Variants in DNAAF5 observed in about 807,000 individuals in gnomAD.
DNAAF5 encodes the protein HEAT repeat containing 2.
In DNAAF5, 64 loss-of-function variants were observed where a neutral mutation model predicts 75.8. The observed-to-expected ratio is 0.84, with a 90% CI of 0.69 to 1.04. The LOEUF (loss-of-function observed/expected upper bound fraction) is 1.04, where lower values mean the gene tolerates loss of function less well. DNAAF5 is among the 50% of genes least tolerant of loss of function. DNAAF5 has a pLI of 0.00. For synonymous variants in DNAAF5, 657 were observed against 557.2 expected, an observed-to-expected ratio of 1.18 and a Z score of -2.52; for missense variants, 1,269 against 1,178.5, an observed-to-expected ratio of 1.08 and a Z score of -1.12.
In DNAAF5 at chr7:735,288, G is replaced by A. The variant is rs568664015; in HGVS notation, c.780+5441G>A. Among the ~76,000 whole-genome samples, 6 of 151,142 alleles carry A rather than the reference G, an allele frequency of 4.0e-5. No homozygotes were observed. In the East Asian group the frequency reaches 5.9e-4, roughly 15 times the overall value. On this transcript the variant is annotated intron_variant, in intron 2 of 12. Transcript: ENST00000297440. ...TCATGGTGTAGCTGCTCACAGTGTC[G>A]CCGCTCACGATGTCATTGCTCACGG... is the stretch of plus-strand genomic sequence containing the variant.
At chr7:741,289 T>C in intron 3 of DNAAF5, 58 bp from the exon 4 acceptor site, 4 of 1,320,644 alleles carry the variant, frequency 3.0e-6, no homozygotes, top group Non-Finnish European at 4.3e-6. Context: ...GGCGCAGCCC[T>C]GCGGCCTCCC....
chr7:729,279 G>A (rs765115122), intron 1 of DNAAF5, among the ~76,000 whole-genome samples: 4 of 152,150 alleles, frequency 2.6e-5, no homozygotes, highest in South Asian at 2.1e-4. Context: ...GTGTGGCCTC[G>A]CCTCTGTCTT....
chr7:774,069 G>A lies in DNAAF5; in HGVS notation c.1953G>A (p.Glu651=). 2 of 1,614,072 alleles carry A rather than the reference G, an allele frequency of 1.2e-6. No homozygotes were observed. The highest frequency in any genetic ancestry group is 1.3e-5 in the African/African-American group (1 of 75,066). ...CCAGGCAGTTTCCCAGCTACCTCGAGACGGTGACAAAGGACATCCTGGCCC... is the reference window on the plus strand; with the variant it reads ...CCAGGCAGTTTCCCAGCTACCTCGAAACGGTGACAAAGGACATCCTGGCCC... The part of the protein sequence containing the change: ...NSQGQFPSYL[E]TVTKDILAPN... Residue 651 remains glutamate (E), a synonymous_variant, in exon 10 of 13, where the codon GAG becomes GAA. Transcript: ENST00000297440.
intron 2 of DNAAF5, among the ~76,000 whole-genome samples, 183 bp from the exon 3 acceptor site, chr7:740,636 C>G (rs1042924220): frequency 5.3e-5 from 8 of 152,214 alleles, no homozygotes; most frequent in African/African-American, 1.7e-4. Context: ...TGGTGGCGCC[C>G]AGGACCCCGG....
intron 4 of DNAAF5, among the ~76,000 whole-genome samples, chr7:751,215 G>T (rs1036704733): frequency 6.6e-6 from 1 of 151,914 alleles, no homozygotes; most frequent in African/African-American, 2.4e-5. Context: ...ATGATGACAG[G>T]ATCATTTAAA....
chr7:760,079 TCCTCCAGCTCTGAGGGAGACGGGGCCGC>T (rs1562390123), intron 6 of DNAAF5, among the ~76,000 whole-genome samples: 4 of 11,510 alleles, frequency 3.5e-4, no homozygotes, highest in African/African-American at 5.0e-4. Context: ...GCCGCGCGGC[TCCTCCAGCTCTGAGGGAGACGGGGCCGC>T]GCGGCTCCTC....
intron 12 of DNAAF5, among the ~76,000 whole-genome samples, chr7:784,452 C>G (rs1036419756): frequency 6.6e-6 from 1 of 152,164 alleles, no homozygotes; most frequent in Non-Finnish European, 1.5e-5. Flanking sequence ...TCCTGGACCC[C>G]CTCTTAACTC....
chr7:741,093 G>C, intron 3 of DNAAF5, 150 bp downstream of exon 3: 1 of 980,756 alleles, frequency 1.0e-6, no homozygotes. Context: ...AAGTCGTCTC[G>C]TTTTGTAAAT....
intron 4 of DNAAF5, among the ~76,000 whole-genome samples, chr7:746,734 C>T (rs986306184): frequency 2.6e-5 from 4 of 152,058 alleles, no homozygotes; most frequent in South Asian, 2.1e-4. Flanking sequence ...CCCGGGACCA[C>T]GCTGCATTCA....
At chr7:747,000 T>G (rs62432219) in intron 4 of DNAAF5, among the ~76,000 whole-genome samples, 65,543 of 152,096 alleles carry the variant, frequency 0.43, 14,475 homozygotes, top group Middle Eastern at 0.47. Flanking sequence ...GTGAGTCACG[T>G]TCCCTCCCGT....
rs199585063 is a variant in DNAAF5 at position 754,702 on chromosome 7, G to T, written c.1138G>T (p.Ala380Ser). The T allele has an allele frequency of 6.2e-7, 1 of 1,613,960 alleles. No homozygotes were observed. The highest frequency in any genetic ancestry group is 1.1e-5 in the South Asian group (1 of 91,090). Reference sequence around the variant, plus strand: ...GGTGGTGGGGACCCGAGTGAAGTCGGCACAGCTGCTCCCAGTGCTGCTGCT... The same window carrying T: ...GGTGGTGGGGACCCGAGTGAAGTCGTCACAGCTGCTCCCAGTGCTGCTGCT... ...DWVVGTRVKS[A>S]QLLPVLLLHA... Residue 380 changes from alanine to serine, a missense_variant, in exon 5 of 13, where the codon GCA (alanine) becomes TCA (serine). Ala to Ser is a moderately conservative substitution (Grantham distance 99, BLOSUM62 1). Coordinates refer to ENST00000297440, the MANE Select transcript of DNAAF5 (RefSeq NM_017802.4). This position sits in a 1 kb window ranked among gnomAD's most constrained non-coding sequence, Gnocchi z 4.8.
intron 6 of DNAAF5, among the ~76,000 whole-genome samples, chr7:757,902 C>T (rs758349993): frequency 2.6e-5 from 4 of 152,380 alleles, no homozygotes; most frequent in South Asian, 4.1e-4. Flanking sequence ...GGACTTGCCA[C>T]TGTGCTCTCA....
chr7:736,962 A>G (rs762020334), intron 2 of DNAAF5, among the ~76,000 whole-genome samples: 9 of 152,196 alleles, frequency 5.9e-5, no homozygotes, highest in Non-Finnish European at 1.3e-4. Flanking sequence ...AAAACAAGCA[A>G]GCCAAGAAAA....
intron 4 of DNAAF5, among the ~76,000 whole-genome samples, chr7:753,569 C>G (rs1782375009): frequency 1.3e-5 from 2 of 150,648 alleles, no homozygotes; most frequent in African/African-American, 2.4e-5. Flanking sequence ...AGGCATGTCT[C>G]TCTGATCATA....
chr7:785,407 C>T lies in DNAAF5; in HGVS notation c.2432-110C>T, dbSNP rs1779114893. The T allele has an allele frequency of 4.2e-6, 5 of 1,202,218 alleles. 1 individual carries two copies. In the South Asian group the frequency reaches 5.6e-5, roughly 13 times the overall value. The allele number at this position is 1,202,218 out of a possible 1,614,324, so 74.5% of individuals were successfully genotyped here. On this transcript the variant is annotated intron_variant, in intron 12 of 12. Coordinates refer to ENST00000297440, the MANE Select transcript of DNAAF5 (RefSeq NM_017802.4). ...CCACCCAGCAGCGTCAGGTTATTTG[C>T]AGATGCTTTTACAGATGCTTGAACT...
rs1562388367 is a variant in DNAAF5 at position 756,926 on chromosome 7, C to G, written c.1402C>G (p.Leu468Val). 6.2e-7 allele frequency: 1 copy of G among 1,610,122 alleles called. No individual in the cohort carries two copies. The change falls in exon 6 of 13, where the codon CTC (leucine) becomes GTC (valine). Residue 468 changes from leucine to valine, a missense_variant. By Grantham distance (32) the Leu-to-Val change is conservative. Coordinates refer to ENST00000297440, the MANE Select transcript of DNAAF5 (RefSeq NM_017802.4). ...CATGCGGGGTTGCCCCCGAGAAGCC[C>G]TCCAGCCGCACCTGGCAGCCATCGC... ...SAMRGCPREALQPHLAAIATE... is the reference protein window; with the variant it reads ...SAMRGCPREAVQPHLAAIATE...
intron 5 of DNAAF5, among the ~76,000 whole-genome samples, chr7:755,724 C>G (rs1782459823): frequency 2.6e-5 from 4 of 152,164 alleles, no homozygotes; most frequent in Admixed American, 2.0e-4. Context: ...GAATGAGACG[C>G]TGTCTCAGAT....
intron 2 of DNAAF5, among the ~76,000 whole-genome samples, chr7:738,434 A>T (rs1166894171): frequency 6.6e-6 from 1 of 151,726 alleles, no homozygotes; most frequent in Non-Finnish European, 1.5e-5. Context: ...TATTTAGTTC[A>T]CTTGGTGAGG....
intron 4 of DNAAF5, among the ~76,000 whole-genome samples, chr7:747,006 C>T (rs897902639): frequency 2.0e-5 from 3 of 152,254 alleles, no homozygotes; most frequent in Non-Finnish European, 4.4e-5. Flanking sequence ...CACGTTCCCT[C>T]CCGTGGATGG....
Sources: gnomAD v4.1 joint callset for allele counts (sites outside exome capture counted in the v4.1 genomes callset) on GRCh38, gnomAD v4.1.1 for gene constraint, Gnocchi (gnomAD v3.1) non-coding constraint, MANE v1.5 for transcripts, NCBI Gene and HGNC (gene_info 2026-07-23, HGNC 2026-07-21) for gene names.